The following PUDP variants were observed in gnomAD, a reference collection of about 807,000 sequenced individuals.
PUDP encodes pseudouridine-5'-phosphatase.
Under a neutral mutation model 9.4 loss-of-function variants are expected in PUDP, and 8 were observed. The observed-to-expected ratio is 0.85, with a 90% CI of 0.50 to 1.53. The LOEUF is 1.53. Among genes scored for constraint, PUDP ranks in the 40% most tolerant of loss-of-function variants. PUDP has a pLI of 0.00. For synonymous variants in PUDP, 99 were observed against 80.7 expected, an observed-to-expected ratio of 1.23 and a Z score of -1.22; for missense variants, 188 against 189.7, an observed-to-expected ratio of 0.99 and a Z score of 0.05.
intron 3 of PUDP, among the ~76,000 whole-genome samples, chrX:6,942,152 C>A (rs1928408989): frequency 9.0e-6 from 1 of 111,646 alleles, no homozygotes; most frequent in South Asian, 3.7e-4. Context: ...GAATTCACCA[C>A]TACACAATAT....
At chrX:6,860,234 G>A (rs72609562) in intron 3 of PUDP, among the ~76,000 whole-genome samples, 10,158 of 110,120 alleles carry the variant, frequency 0.092, 609 homozygotes, top group East Asian at 0.46. Flanking sequence ...CTCCCTCATC[G>A]GCCTCCCAAA....
intron 1 of PUDP, among the ~76,000 whole-genome samples, chrX:7,133,300 A>G (rs954210649): frequency 8.9e-6 from 1 of 111,789 alleles, no homozygotes; most frequent in Admixed American, 9.5e-5. Context: ...GGGTCATCAG[A>G]GCAGAAGCAT....
intron 2 of PUDP, among the ~76,000 whole-genome samples, chrX:7,081,922 C>G (rs368546299): frequency 1.5e-4 from 17 of 112,826 alleles, no homozygotes; most frequent in Non-Finnish European, 2.1e-4. Context: ...TCACCTGATT[C>G]AAAACTGCCT....
chrX:7,029,726 G>A (rs5978202), intron 1 of PUDP, among the ~76,000 whole-genome samples: 36,002 of 111,004 alleles, frequency 0.32, 4,379 homozygotes, highest in Middle Eastern at 0.48. Flanking sequence ...TCATTGCCAT[G>A]GAGTAAATCA....
chrX:6,888,628 C>G lies in PUDP; in HGVS notation c.*247+88505G>C, dbSNP rs189149669. Reference sequence around the variant, plus strand: ...TTTCACCACTGCACTCCAGCCCGGGCAACAGAGTGAGACTCCATCTCAAAA... The same window carrying G: ...TTTCACCACTGCACTCCAGCCCGGGGAACAGAGTGAGACTCCATCTCAAAA... On this transcript the variant is annotated intron_variant and NMD_transcript_variant, in intron 3 of 3. Transcript: ENST00000655425. Among the ~76,000 whole-genome samples the G allele has an allele frequency of 2.5e-3, 276 of 110,963 alleles. 1 individual carries two copies. The highest frequency in any genetic ancestry group is 8.9e-3 in the African/African-American group (273 of 30,571).
intron 2 of PUDP, among the ~76,000 whole-genome samples, chrX:7,078,850 T>A (rs1930996039): frequency 9.0e-6 from 1 of 111,395 alleles, no homozygotes; most frequent in Non-Finnish European, 1.9e-5. Context: ...AATCTAGCAC[T>A]CCACTGGGTG....
intron 3 of PUDP, among the ~76,000 whole-genome samples, chrX:6,787,545 C>T (rs1454471732): frequency 3.6e-5 from 4 of 112,118 alleles, no homozygotes; most frequent in African/African-American, 1.3e-4. Context: ...TTAAAAAATT[C>T]GGTGGCATTA....
chrX:7,019,380 C>T (rs1176311072), intron 1 of PUDP, among the ~76,000 whole-genome samples: 3 of 111,793 alleles, frequency 2.7e-5, no homozygotes, highest in Non-Finnish European at 5.6e-5. Context: ...CAGTTTGAGA[C>T]GGCTGTTCAG....
intron 1 of PUDP, chrX:7,116,924 T>G: frequency 1.7e-6 from 2 of 1,164,017 alleles, no homozygotes; most frequent in Admixed American, 5.2e-5. Flanking sequence ...ACTCTCTCTC[T>G]GGCTCATGCT....
intron 3 of PUDP, among the ~76,000 whole-genome samples, chrX:6,821,399 C>G (rs1926339896): frequency 2.7e-5 from 3 of 111,328 alleles, no homozygotes; most frequent in African/African-American, 9.8e-5. Context: ...AGAATAGAGA[C>G]TGCTTGGAAA....
intron 3 of PUDP, among the ~76,000 whole-genome samples, chrX:6,846,289 C>T (rs1342046935): frequency 9.1e-6 from 1 of 109,682 alleles, no homozygotes; most frequent in Admixed American, 9.8e-5. Context: ...CCTATAGTCC[C>T]AGCTACTCGG....
intron 3 of PUDP, among the ~76,000 whole-genome samples, chrX:6,892,600 A>T: frequency 9.0e-6 from 1 of 111,258 alleles, no homozygotes. Flanking sequence ...CCCACAACAC[A>T]TGCGAATTGT....
intron 1 of PUDP, among the ~76,000 whole-genome samples, chrX:7,119,288 C>T (rs778773207): frequency 1.5e-4 from 17 of 112,507 alleles, no homozygotes; most frequent in Middle Eastern, 4.7e-3. Context: ...TGAGCACTAC[C>T]GCGCTTTTCC....
At position 7,077,463 on chromosome X, in the gene PUDP, G is replaced by A; in HGVS notation, c.281-14C>T. ...GTTTCTCCGCCCCTGGGGAGGAGGAGGGAAGGACTGAGGTGAGGGGCGAGG... is the reference window on the plus strand; with the variant it reads ...GTTTCTCCGCCCCTGGGGAGGAGGAAGGAAGGACTGAGGTGAGGGGCGAGG... On this transcript the variant is annotated splice_polypyrimidine_tract_variant and intron_variant, in intron 2 of 3. Transcript: ENST00000381077. 2 of 1,181,224 alleles carry A rather than the reference G, an allele frequency of 1.7e-6. No individual in the cohort carries two copies. Among genetic ancestry groups the A allele is most frequent in the Non-Finnish European group, 2.3e-6 (2 of 869,224 alleles).
At chrX:6,851,086 T>C (rs2146722591) in intron 3 of PUDP, among the ~76,000 whole-genome samples, 1 of 111,961 alleles carries the variant, frequency 8.9e-6, no homozygotes, top group Admixed American at 9.5e-5. Flanking sequence ...CCCTGGAAAA[T>C]TACCATTCTT....
chrX:6,754,757 C>T (rs1308468260), intron 3 of PUDP, among the ~76,000 whole-genome samples: 1 of 110,227 alleles, frequency 9.1e-6, no homozygotes, highest in Non-Finnish European at 1.9e-5. Flanking sequence ...ACCTGTCTGC[C>T]TACTCACTAA....
chrX:6,713,518 C>A (rs1342562370), intron 1 of PUDP, among the ~76,000 whole-genome samples: 1 of 111,888 alleles, frequency 8.9e-6, no homozygotes, highest in African/African-American at 3.3e-5. Context: ...TGTATGTGTT[C>A]TGAACATGTT....
chrX:7,081,446 C>G (rs1181992758), intron 2 of PUDP, among the ~76,000 whole-genome samples: 1 of 112,444 alleles, frequency 8.9e-6, no homozygotes, highest in Non-Finnish European at 1.9e-5. Flanking sequence ...AGCCACTGTA[C>G]CCGGCCGATT....
chrX:6,806,330 T>G (rs1171193860), intron 3 of PUDP, among the ~76,000 whole-genome samples: 1 of 111,226 alleles, frequency 9.0e-6, no homozygotes, highest in African/African-American at 3.3e-5. Context: ...TATTTTTATT[T>G]ATTAATGTAT....
Sources: allele counts gnomAD v4.1 joint callset (sites outside exome capture counted in the v4.1 genomes callset), GRCh38; gene constraint gnomAD v4.1.1; transcripts MANE v1.5; gene names NCBI Gene and HGNC (gene_info 2026-07-23, HGNC 2026-07-21).